The following SYT1 variants were observed in gnomAD, a reference collection of about 807,000 sequenced individuals.
The protein encoded by SYT1 is synaptotagmin 1, also known as synaptotagmin-1.
In SYT1, 8 loss-of-function variants were observed where a neutral mutation model predicts 44.8. The observed-to-expected ratio is 0.18, with a 90% CI of 0.10 to 0.32. SYT1 has a LOEUF of 0.32. Among genes scored for constraint, SYT1 ranks in the 10% least tolerant of loss-of-function variants. The pLI is 1.00. For missense variants in SYT1, 286 were observed against 509.3 expected, an observed-to-expected ratio of 0.56 and a Z score of 4.22; for synonymous variants, 154 against 188.8, an observed-to-expected ratio of 0.82 and a Z score of 1.51.
At chr12:79,188,073 C>T (rs139314656) in intron 3 of SYT1, among the ~76,000 whole-genome samples, 21 of 152,208 alleles carry the variant, frequency 1.4e-4, no homozygotes, top group Middle Eastern at 3.4e-3. Context: ...ATAATTTATT[C>T]GCATTATATT....
chr12:79,270,848 G>T (rs1878384268), intron 4 of SYT1, among the ~76,000 whole-genome samples: 1 of 152,218 alleles, frequency 6.6e-6, no homozygotes, highest in Admixed American at 6.5e-5. Flanking sequence ...ACATGGCTAT[G>T]TGGGTTTCCT....
At chr12:79,263,877 G>A (rs1877973167) in intron 4 of SYT1, among the ~76,000 whole-genome samples, 2 of 150,592 alleles carry the variant, frequency 1.3e-5, no homozygotes, top group South Asian at 2.1e-4. Context: ...TATGAGCACA[G>A]ACAGCAGAAA....
intron 9 of SYT1, among the ~76,000 whole-genome samples, chr12:79,389,307 T>G (rs1464004944): frequency 1.3e-5 from 2 of 152,210 alleles, no homozygotes; most frequent in African/African-American, 2.4e-5. Flanking sequence ...TGTAAAAATT[T>G]GAGTATGAGC....
chr12:79,051,794 C>T (rs1157951212), intron 3 of SYT1, among the ~76,000 whole-genome samples: 1 of 151,856 alleles, frequency 6.6e-6, no homozygotes, highest in Admixed American at 6.6e-5. Flanking sequence ...TATCCTTTCC[C>T]CATTGCTTGT....
chr12:79,070,250 C>T (rs990712844), intron 3 of SYT1, among the ~76,000 whole-genome samples: 10 of 152,114 alleles, frequency 6.6e-5, no homozygotes, highest in Admixed American at 3.3e-4. Flanking sequence ...GCCAAGTCAA[C>T]ATTTTTGCCT....
Position 79,448,937 on chromosome 12 carries a change from C to G in SYT1, c.1082C>G (p.Thr361Ser). ...EQIQKVQVVV[T>S]VLDYDKIGKN... Reference sequence around the variant, plus strand: ...TTTCAGAAAGTGCAGGTGGTGGTAACTGTTTTGGACTATGACAAGATTGGC... The same window carrying G: ...TTTCAGAAAGTGCAGGTGGTGGTAAGTGTTTTGGACTATGACAAGATTGGC... The change falls in exon 11 of 11, where the codon ACT (threonine) becomes AGT (serine). Residue 361 changes from threonine (T) to serine (S), a missense_variant. Around this residue, in one of 6 missense-constraint regions of SYT1, gnomAD observed 14 missense variants for 16.2 expected, o/e 0.86. Transcript: ENST00000261205. 6.2e-7 allele frequency: 1 copy of G among 1,614,136 alleles called. No homozygotes were observed. The highest frequency in any genetic ancestry group is 8.5e-7 in the Non-Finnish European group (1 of 1,180,000).
chr12:79,404,173 T>G (rs1027996191), intron 9 of SYT1, among the ~76,000 whole-genome samples: 47 of 152,066 alleles, frequency 3.1e-4, no homozygotes, highest in African/African-American at 1.1e-3. Context: ...AGCTAATATA[T>G]CAAATACCAG....
At chr12:79,055,069 A>T (rs1200655486) in intron 3 of SYT1, among the ~76,000 whole-genome samples, 1 of 152,022 alleles carries the variant, frequency 6.6e-6, no homozygotes. Context: ...CCACTTATTA[A>T]CTATGGGATG....
chr12:78,935,442 T>C (rs1440710410), intron 1 of SYT1, among the ~76,000 whole-genome samples: 1 of 152,040 alleles, frequency 6.6e-6, no homozygotes. Flanking sequence ...TTGGTAAAAA[T>C]AACAATTCAT....
At chr12:79,338,674 CT>C (rs1229178133) in intron 8 of SYT1, among the ~76,000 whole-genome samples, 15 of 147,090 alleles carry the variant, frequency 1.0e-4, no homozygotes, top group Non-Finnish European at 7.6e-5. Flanking sequence ...CCCTCCCTCC[CT>C]TTTTTTTTAT....
chr12:78,872,237 G>T (rs1873858721), intron 1 of SYT1, among the ~76,000 whole-genome samples: 1 of 151,794 alleles, frequency 6.6e-6, no homozygotes, highest in Non-Finnish European at 1.5e-5. Flanking sequence ...TACTTGATAT[G>T]CAAGTTTCCA....
chr12:79,093,342 A>G (rs1314128133), intron 3 of SYT1, among the ~76,000 whole-genome samples: 2 of 151,798 alleles, frequency 1.3e-5, no homozygotes, highest in Admixed American at 1.3e-4. Flanking sequence ...TGGCAATTTA[A>G]AGACTTCAAA....
intron 3 of SYT1, among the ~76,000 whole-genome samples, chr12:79,137,093 T>A (rs909108657): frequency 7.1e-6 from 1 of 139,940 alleles, no homozygotes; most frequent in Non-Finnish European, 1.5e-5. Context: ...TACTTGGAAC[T>A]TTTTTTTTTT....
intron 4 of SYT1, among the ~76,000 whole-genome samples, chr12:79,224,847 T>C (rs993291252): frequency 6.6e-6 from 1 of 151,258 alleles, no homozygotes; most frequent in African/African-American, 2.4e-5. Flanking sequence ...TGGCGTGATC[T>C]CAGCTCACTG....
intron 3 of SYT1, chr12:79,103,005 A>G (rs1181536688): frequency 1.3e-5 from 2 of 152,148 alleles, no homozygotes; most frequent in South Asian, 2.1e-4. Flanking sequence ...TATTATTGCC[A>G]TTTTACAGAT....
chr12:79,164,378 C>T (rs1871124860), intron 3 of SYT1, among the ~76,000 whole-genome samples: 1 of 152,000 alleles, frequency 6.6e-6, no homozygotes, highest in Non-Finnish European at 1.5e-5. Context: ...TTTCCATTTG[C>T]TTTTACAAAA....
chr12:79,386,904 T>C (rs923192942), intron 9 of SYT1, among the ~76,000 whole-genome samples: 18 of 152,168 alleles, frequency 1.2e-4, no homozygotes, highest in Non-Finnish European at 2.6e-4. Context: ...TCTTGCTTTC[T>C]CTCTCAACGT....
At chr12:79,171,251 G>C (rs1871504257) in intron 3 of SYT1, among the ~76,000 whole-genome samples, 1 of 151,978 alleles carries the variant, frequency 6.6e-6, no homozygotes, top group South Asian at 2.1e-4. Context: ...AGTTTAATAG[G>C]AATAGCATTG....
At chr12:79,082,887 A>G (rs1877130243) in intron 3 of SYT1, among the ~76,000 whole-genome samples, 1 of 152,186 alleles carries the variant, frequency 6.6e-6, no homozygotes, top group Non-Finnish European at 1.5e-5. Flanking sequence ...TGCCAGGTGA[A>G]CACGTCTTCT....
Sources: gnomAD v4.1 joint callset for allele counts (sites outside exome capture counted in the v4.1 genomes callset) on GRCh38, gnomAD v4.1.1 for gene constraint, gnomAD v4.1.1 regional missense constraint, MANE v1.5 for transcripts, NCBI Gene and HGNC (gene_info 2026-07-23, HGNC 2026-07-21) for gene names.